Variants in PCDHGA4 observed in about 807,000 individuals in gnomAD.
The protein encoded by PCDHGA4 is protocadherin gamma subfamily A, 4, also known as protocadherin gamma-A4.
In PCDHGA4, 38 loss-of-function variants were observed where a neutral mutation model predicts 54.6. The observed-to-expected ratio is 0.70, with a 90% CI of 0.54 to 0.91. The LOEUF (loss-of-function observed/expected upper bound fraction) is 0.91, where lower values mean the gene tolerates loss of function less well. PCDHGA4 is among the 40% of genes least tolerant of loss of function. The pLI is 0.00. For missense variants in PCDHGA4, 1,298 were observed against 1,220.9 expected, an observed-to-expected ratio of 1.06 and a Z score of -0.94; for synonymous variants, 511 against 512.9, an observed-to-expected ratio of 1.00 and a Z score of 0.05.
chr5:141,483,811 C>A (rs1252197546), intron 1 of PCDHGA4, among the ~76,000 whole-genome samples: 1 of 152,102 alleles, frequency 6.6e-6, no homozygotes, highest in Non-Finnish European at 1.5e-5. Flanking sequence ...CTTTTTTTGG[C>A]AGCCAGTGTA....
In PCDHGA4 at chr5:141,491,632, C is replaced by T; in HGVS notation, c.2515-3175C>T. On this transcript the variant is annotated intron_variant, in intron 1 of 3. Transcript: ENST00000571252. This position sits in a 1 kb window ranked among gnomAD's most constrained non-coding sequence, Gnocchi z 6.9. ...TCTAAGACCCCTCAGCGTTCAGCAG[C>T]CCACAGCTCTGGCGCTGGAGCCTGA... 1.2e-6 allele frequency: 2 copies of T among 1,613,886 alleles called. No individual in the cohort carries two copies. The highest frequency in any genetic ancestry group is 1.7e-6 in the Non-Finnish European group (2 of 1,179,994).
chr5:141,505,434 A>C lies in PCDHGA4; in HGVS notation c.2615A>C (p.Gln872Pro), dbSNP rs1417754900. 1 of 1,614,198 alleles carries C rather than the reference A, an allele frequency of 6.2e-7. No homozygotes were observed. The highest frequency in any genetic ancestry group is 1.7e-5 in the Admixed American group (1 of 60,032). The change falls in exon 3 of 4, where the codon CAG (glutamine) becomes CCG (proline). Residue 872 changes from glutamine (Q) to proline (P), a missense_variant. Gln to Pro is a moderately conservative substitution (Grantham distance 76). Coordinates refer to ENST00000571252, the MANE Select transcript of PCDHGA4 (RefSeq NM_018917.4). ...GACACCGGCACCTGGCCCAACAACCAGTTTGACACAGAGATGCTGCAAGCC... is the reference window on the plus strand; with the variant it reads ...GACACCGGCACCTGGCCCAACAACCCGTTTGACACAGAGATGCTGCAAGCC... ...GDDTGTWPNN[Q>P]FDTEMLQAMI...
intron 1 of PCDHGA4, chr5:141,378,221 G>C (rs1378453601): frequency 6.6e-6 from 1 of 152,182 alleles, no homozygotes; most frequent in Non-Finnish European, 1.5e-5. Context: ...CTGTGTGCCT[G>C]ATAGTATTTA....
intron 1 of PCDHGA4, chr5:141,420,293 A>G: frequency 1.3e-6 from 2 of 1,485,602 alleles, no homozygotes; most frequent in Non-Finnish European, 9.1e-7. Context: ...TTAAAAATGT[A>G]TTTAATCCTT....
At chr5:141,429,329 A>G (rs1561840804) in intron 1 of PCDHGA4, among the ~76,000 whole-genome samples, 1 of 152,122 alleles carries the variant, frequency 6.6e-6, no homozygotes, top group Non-Finnish European at 1.5e-5. Flanking sequence ...TCTTTAATCC[A>G]TTAACTATAA....
intron 1 of PCDHGA4, among the ~76,000 whole-genome samples, chr5:141,405,659 G>A (rs867774573): frequency 2.0e-5 from 3 of 152,106 alleles, no homozygotes; most frequent in Non-Finnish European, 4.4e-5. Flanking sequence ...TGTGTTTTTA[G>A]TAGAGACGGG....
intron 1 of PCDHGA4, among the ~76,000 whole-genome samples, chr5:141,447,863 A>G (rs553375129): frequency 6.6e-6 from 1 of 152,254 alleles, no homozygotes; most frequent in East Asian, 1.9e-4. Flanking sequence ...AGGTGGGTGA[A>G]TCATCTGAGG....
At chr5:141,430,252 A>C (rs1292590200) in intron 1 of PCDHGA4, among the ~76,000 whole-genome samples, 1 of 102,244 alleles carries the variant, frequency 9.8e-6, no homozygotes, top group Admixed American at 1.0e-4. Context: ...CTAGGGAGAC[A>C]TCTCCATAAT....
intron 1 of PCDHGA4, chr5:141,403,395 C>T (rs758295115): frequency 3.7e-6 from 6 of 1,614,084 alleles, no homozygotes; most frequent in Admixed American, 3.3e-5. Context: ...ATCGCGGTTC[C>T]TGGAGCACGT....
intron 1 of PCDHGA4, chr5:141,418,910 T>C: frequency 6.2e-7 from 1 of 1,613,936 alleles, no homozygotes; most frequent in East Asian, 2.2e-5. Flanking sequence ...AATCATCACG[T>C]CACTCTCTGA....
In PCDHGA4 at chr5:141,432,598, G is replaced by A; in HGVS notation, c.2515-62209G>A. The A allele has an allele frequency of 6.2e-7, 1 of 1,613,920 alleles. No individual in the cohort carries two copies. The highest frequency in any genetic ancestry group is 8.5e-7 in the Non-Finnish European group (1 of 1,179,972). On this transcript the variant is annotated intron_variant, in intron 1 of 3. Transcript: ENST00000571252. The surrounding 1 kb of genome is among the most constrained non-coding windows in gnomAD (Gnocchi z 6.0). ...CCTACCGTCTGCTCAAGGCCAGCGA[G>A]CCGGGACTCTTCTCGGTGGGTCTGC...
At chr5:141,441,325 T>C (rs961263461) in intron 1 of PCDHGA4, 1 of 152,192 alleles carries the variant, frequency 6.6e-6, no homozygotes, top group African/African-American at 2.4e-5. Flanking sequence ...AGAAAAATCT[T>C]CCTCCAATAA....
chr5:141,374,427 A>G, intron 1 of PCDHGA4: 3 of 1,613,980 alleles, frequency 1.9e-6, no homozygotes, highest in Non-Finnish European at 2.5e-6. Context: ...GATAAACTGA[A>G]TCTTTATCCC....
intron 1 of PCDHGA4, chr5:141,379,058 G>A (rs533303980): frequency 1.3e-5 from 2 of 152,256 alleles, no homozygotes; most frequent in South Asian, 2.1e-4. Context: ...AGAATGGATT[G>A]GCCACTTGTG....
chr5:141,453,341 C>T (rs1327119655), intron 1 of PCDHGA4, among the ~76,000 whole-genome samples: 2 of 151,822 alleles, frequency 1.3e-5, no homozygotes, highest in East Asian at 3.9e-4. Context: ...CTATGTTTCC[C>T]CAGGCTGACC....
Position 141,491,712 on chromosome 5 carries a change from G to C in PCDHGA4, c.2515-3095G>C. 3.1e-6 allele frequency: 5 copies of C among 1,609,408 alleles called. No individual in the cohort carries two copies. Among genetic ancestry groups the C allele is most frequent in the Middle Eastern group, 1.7e-4 (1 of 6,024 alleles). ...GGGAGCGGAGCCAGGTGAGGGGCTCGGCGCCGCCCCGGGCGACCCCTGGGG... is the reference window on the plus strand; with the variant it reads ...GGGAGCGGAGCCAGGTGAGGGGCTCCGCGCCGCCCCGGGCGACCCCTGGGG... On this transcript the variant is annotated intron_variant, in intron 1 of 3. Transcript: ENST00000571252. The surrounding 1 kb of genome is among the most constrained non-coding windows in gnomAD (Gnocchi z 6.9).
At chr5:141,506,172 TG>T (rs2099850913) in intron 3 of PCDHGA4, among the ~76,000 whole-genome samples, 1 of 152,128 alleles carries the variant, frequency 6.6e-6, no homozygotes, top group South Asian at 2.1e-4. Flanking sequence ...CAGCCTAAGC[TG>T]GGCGTGGTGG....
chr5:141,377,529 G>A (rs1774089651), intron 1 of PCDHGA4: 1 of 151,890 alleles, frequency 6.6e-6, no homozygotes, highest in African/African-American at 2.4e-5. Flanking sequence ...CCAGGGGTAT[G>A]AGGCTGCAGT....
rs749221752 is a variant in PCDHGA4 at position 141,432,670 on chromosome 5, G to T, written c.2515-62137G>T. ...CGCGAGCCCTGCTGGACAGAGACGCGCTCAAGCAGAGCCTCGTAGTGGCCG... is the reference window on the plus strand; with the variant it reads ...CGCGAGCCCTGCTGGACAGAGACGCTCTCAAGCAGAGCCTCGTAGTGGCCG... On this transcript the variant is annotated intron_variant, in intron 1 of 3. Coordinates refer to ENST00000571252, the MANE Select transcript of PCDHGA4 (RefSeq NM_018917.4). This position sits in a 1 kb window ranked among gnomAD's most constrained non-coding sequence, Gnocchi z 6.0. 7 of 1,613,750 alleles carry T rather than the reference G, an allele frequency of 4.3e-6. No homozygotes were observed. The African/African-American group carries it at 5.3e-5, about 12-fold the overall frequency.
Sources: gnomAD v4.1 joint callset for allele counts (sites outside exome capture counted in the v4.1 genomes callset) on GRCh38, gnomAD v4.1.1 for gene constraint, Gnocchi (gnomAD v3.1) non-coding constraint, MANE v1.5 for transcripts, NCBI Gene and HGNC (gene_info 2026-07-23, HGNC 2026-07-21) for gene names.